The following XPO5 variants were observed in gnomAD, a reference collection of about 807,000 sequenced individuals.
The protein encoded by XPO5 is exportin-5.
A neutral mutation model predicts 160.6 loss-of-function variants in XPO5; 46 were observed. That is an observed-to-expected ratio of 0.29 (90% confidence interval 0.23 to 0.37). The LOEUF (loss-of-function observed/expected upper bound fraction) is 0.37, where lower values mean the gene tolerates loss of function less well. XPO5 is among the 10% of genes least tolerant of loss of function. XPO5 has a pLI of 1.00. For missense variants in XPO5, 1,090 were observed against 1,463.9 expected (o/e 0.74, Z 4.17); for synonymous variants, 537 against 519.3 (o/e 1.03, Z -0.46).
chr6:43,536,559 C>T (rs961503904), intron 20 of XPO5, among the ~76,000 whole-genome samples: 11 of 150,970 alleles, frequency 7.3e-5, no homozygotes, highest in African/African-American at 2.7e-4. Context: ...GAGTTCAAGA[C>T]CAGTCTCTGG....
At chr6:43,535,593 G>C (rs1314979735) in intron 20 of XPO5, among the ~76,000 whole-genome samples, 2 of 152,006 alleles carry the variant, frequency 1.3e-5, no homozygotes, top group Non-Finnish European at 2.9e-5. Flanking sequence ...GGTGGATCAC[G>C]AGGTCAGGAG....
intron 20 of XPO5, among the ~76,000 whole-genome samples, chr6:43,542,437 T>C (rs971050096): frequency 2.0e-5 from 3 of 151,896 alleles, no homozygotes; most frequent in Non-Finnish European, 2.9e-5. Flanking sequence ...TGAGATGGAG[T>C]CTTACCCTGT....
chr6:43,531,603 G>C, intron 21 of XPO5, 28 bp from the exon 22 acceptor site: 2 of 1,583,174 alleles, frequency 1.3e-6, no homozygotes, highest in Non-Finnish European at 1.7e-6. Flanking sequence ...TCAAGAACAT[G>C]ATGCTCCACT....
In XPO5 at chr6:43,566,940, T is replaced by C. The variant is rs145624519; in HGVS notation, c.834+229A>G. ...TATCTGTTAACTGTAAATTGCCAAG[T>C]ATCATGGCTATTTCAAGAACCATGC... is the stretch of plus-strand genomic sequence containing the variant. On this transcript the variant is annotated intron_variant, in intron 7 of 31. Coordinates refer to ENST00000265351, the MANE Select transcript of XPO5 (RefSeq NM_020750.3). Among the ~76,000 whole-genome samples, 227 of 152,028 alleles carry C rather than the reference T, an allele frequency of 1.5e-3. 1 individual carries two copies. The highest frequency in any genetic ancestry group is 5.0e-3 in the African/African-American group (209 of 41,462).
chr6:43,566,055 G>C (rs185737544), intron 7 of XPO5, among the ~76,000 whole-genome samples: 3 of 152,120 alleles, frequency 2.0e-5, no homozygotes, highest in Non-Finnish European at 2.9e-5. Flanking sequence ...TCAGGAGTTC[G>C]AGACCAGCCT....
intron 20 of XPO5, chr6:43,544,373 CTGAT>C (rs1478283801): frequency 1.3e-5 from 2 of 152,520 alleles, no homozygotes; most frequent in African/African-American, 2.4e-5. Context: ...TCTTCCTCTA[CTGAT>C]TGATAGGAAG....
chr6:43,539,388 C>A, intron 20 of XPO5: 3 of 1,578,394 alleles, frequency 1.9e-6, no homozygotes, highest in Non-Finnish European at 1.7e-6. Context: ...ATCTTCAAAA[C>A]CTCATCCTTG....
intron 8 of XPO5, among the ~76,000 whole-genome samples, chr6:43,564,205 A>AC (rs1762569241): frequency 6.6e-6 from 1 of 152,072 alleles, no homozygotes. Flanking sequence ...CACAAGCATG[A>AC]CCCAGCGTAC....
At chr6:43,546,932 T>C (rs2127727712) in intron 19 of XPO5, among the ~76,000 whole-genome samples, 180 bp from the exon 20 acceptor site, 1 of 152,310 alleles carries the variant, frequency 6.6e-6, no homozygotes, top group South Asian at 2.1e-4. Flanking sequence ...AGAGGGATCC[T>C]CTCACTGCCA....
rs1192945210 is a variant in XPO5, at chr6:43,547,643, C to T, written c.2125G>A (p.Gly709Ser). Reference protein sequence around the residue: ...VGTDQKSCDPGLEDPCGLNRA... With the variant: ...VGTDQKSCDPSLEDPCGLNRA... ...TTTAAGCCACACGGATCCTCCAGGCCTGGGTCACAGCTCTTCTGATCTGTA... is the reference window on the plus strand; with the variant it reads ...TTTAAGCCACACGGATCCTCCAGGCTTGGGTCACAGCTCTTCTGATCTGTA... Residue 709 changes from glycine (G) to serine (S), a missense_variant, in exon 19 of 32, where the codon GGC becomes AGC. This residue lies in a region of XPO5 where 810 missense variants were observed against 1,139.0 expected (regional missense o/e 0.71). Coordinates refer to ENST00000265351, the MANE Select transcript of XPO5 (RefSeq NM_020750.3). 3 of 1,613,928 alleles carry T rather than the reference C, an allele frequency of 1.9e-6. No homozygotes were observed. The highest frequency in any genetic ancestry group is 2.5e-6 in the Non-Finnish European group (3 of 1,179,910).
chr6:43,539,558 C>G, intron 20 of XPO5: 1 of 1,387,664 alleles, frequency 7.2e-7, no homozygotes, highest in South Asian at 1.2e-5. Flanking sequence ...TCCGCGAGCT[C>G]CGCGGCCTCA....
intron 20 of XPO5, among the ~76,000 whole-genome samples, chr6:43,537,831 C>G (rs1794430231): frequency 6.6e-6 from 1 of 152,056 alleles, no homozygotes; most frequent in African/African-American, 2.4e-5. Context: ...CTTTGGGAGG[C>G]TGAGGCAGGT....
chr6:43,525,314 C>T (rs1467008816), intron 28 of XPO5, 100 bp from the exon 29 acceptor site: 3 of 1,128,294 alleles, frequency 2.7e-6, no homozygotes, highest in Non-Finnish European at 3.7e-6. Flanking sequence ...TTTTTTCCTC[C>T]CCCCCTCTAA....
chr6:43,571,710 A>C (rs2127757112), intron 3 of XPO5, among the ~76,000 whole-genome samples: 1 of 152,256 alleles, frequency 6.6e-6, no homozygotes, highest in East Asian at 1.9e-4. Context: ...TGGGAGGCTA[A>C]GGCGAGAAGA....
chr6:43,575,451 G>A (rs972417622), intron 1 of XPO5, among the ~76,000 whole-genome samples: 2 of 152,216 alleles, frequency 1.3e-5, no homozygotes, highest in Admixed American at 6.5e-5. Flanking sequence ...GAAAATGGGC[G>A]AGGGTCATGT....
Position 43,567,310 on chromosome 6 carries a change from T to C in XPO5, c.693A>G (p.Leu231=), listed in dbSNP as rs549505584. The C allele has an allele frequency of 6.2e-7, 1 of 1,613,630 alleles. No individual in the cohort carries two copies. Among genetic ancestry groups the C allele is most frequent in the South Asian group, 1.1e-5 (1 of 90,992 alleles). ...TAGACACCCAGTCAATATAGCCTGC[T>C]AGAGTATTCAGTGCTGCAACTCCTA... ...CRVGVAALNT[L]AGYIDWVSMS... is the part of the protein sequence containing the mutation. The change falls in exon 7 of 32, where the codon CTA becomes CTG. Residue 231 remains leucine (L), a synonymous_variant. Transcript: ENST00000265351.
chr6:43,539,014 A>ATG (rs1419174934), intron 20 of XPO5: 1 of 1,543,064 alleles, frequency 6.5e-7, no homozygotes, highest in Non-Finnish European at 8.8e-7. Flanking sequence ...CCAGGGTGGC[A>ATG]GTGCAGCCCT....
intron 3 of XPO5, among the ~76,000 whole-genome samples, chr6:43,571,460 GA>G (rs1763003461): frequency 1.3e-5 from 2 of 152,010 alleles, no homozygotes; most frequent in Admixed American, 1.3e-4. Flanking sequence ...AACCAAGAAA[GA>G]AAAAAGGCTA....
At chr6:43,542,885 A>G (rs187044496) in intron 20 of XPO5, among the ~76,000 whole-genome samples, 7 of 152,316 alleles carry the variant, frequency 4.6e-5, no homozygotes, top group Admixed American at 4.6e-4. Flanking sequence ...AACAGAAATT[A>G]TATATATATG....
Sources: gnomAD v4.1 joint callset for allele counts (sites outside exome capture counted in the v4.1 genomes callset) on GRCh38, gnomAD v4.1.1 for gene constraint, gnomAD v4.1.1 regional missense constraint, MANE v1.5 for transcripts, NCBI Gene and HGNC (gene_info 2026-07-23, HGNC 2026-07-21) for gene names.